The following IQCH variants were observed in gnomAD, a reference collection of about 807,000 sequenced individuals.
The protein encoded by IQCH is IQ motif containing H, also known as IQ domain-containing protein H.
In IQCH, 98 loss-of-function variants were observed where a neutral mutation model predicts 117.0. The ratio of observed to expected loss-of-function variants is 0.84; its 90% confidence interval spans 0.71 to 0.99. The LOEUF (loss-of-function observed/expected upper bound fraction) is 0.99. Ranked by LOEUF, IQCH falls within the 50% of genes least tolerant of loss-of-function variation. The pLI is 0.00. For missense variants in IQCH, 1,102 were observed against 1,243.8 expected (o/e 0.89, Z 1.72); for synonymous variants, 412 against 448.2 (o/e 0.92, Z 1.02).
At position 67,445,353 on chromosome 15, in the gene IQCH, A is replaced by C. The variant is rs530892180; in HGVS notation, c.2506-19774A>C. Among the ~76,000 whole-genome samples, 15 of 152,308 alleles carry C rather than the reference A, an allele frequency of 9.8e-5. No individual in the cohort carries two copies. Among genetic ancestry groups the C allele is most frequent in the African/African-American group, 3.6e-4 (15 of 41,558 alleles). Reference sequence around the variant, plus strand: ...TGTTCTGAGCCCTTATAAATAAATAAATGAAATTGCTTCTTTTCTTAAAGA... The same window carrying C: ...TGTTCTGAGCCCTTATAAATAAATACATGAAATTGCTTCTTTTCTTAAAGA... On this transcript the variant is annotated intron_variant, in intron 16 of 20. Transcript: ENST00000335894. This position sits in a 1 kb window ranked among gnomAD's most constrained non-coding sequence, Gnocchi z 4.3.
At position 67,436,781 on chromosome 15, in the gene IQCH, TC is replaced by T. The variant is rs1228463143; in HGVS notation, c.2505+15209del. On this transcript the variant is annotated intron_variant, in intron 16 of 20. Coordinates refer to ENST00000335894, the MANE Select transcript of IQCH (RefSeq NM_001031715.3). The surrounding 1 kb of genome is among the most constrained non-coding windows in gnomAD (Gnocchi z 5.1). ...GGGTGAGGCCTGTGACTGCTGGCTT[TC>T]CCCCACTTCCCTGACAACCTGCATG... 5.3e-5 allele frequency among the ~76,000 whole-genome samples: 8 copies of T among 152,052 alleles called. No individual in the cohort carries two copies. Among genetic ancestry groups the T allele is most frequent in the Non-Finnish European group, 2.9e-5 (2 of 67,968 alleles).
chr15:67,330,518 A>T (rs1968617623), intron 4 of IQCH, among the ~76,000 whole-genome samples: 1 of 152,198 alleles, frequency 6.6e-6, no homozygotes, highest in South Asian at 2.1e-4. Flanking sequence ...CCTGACCAAG[A>T]GGAAGTGAGA....
rs367677995 is a variant in IQCH, at chr15:67,438,298, T to C, written c.2505+16721T>C. On this transcript the variant is annotated intron_variant, in intron 16 of 20. Coordinates refer to ENST00000335894, the MANE Select transcript of IQCH (RefSeq NM_001031715.3). ...CCAAGAATTTTGTATCCAGTGAAAC[T>C]AAGCATCATATATGAAGGAAAGATA... Among the ~76,000 whole-genome samples the C allele has an allele frequency of 4.1e-3, 626 of 152,228 alleles. 3 individuals carry two copies. Among genetic ancestry groups the C allele is most frequent in the African/African-American group, 0.013 (520 of 41,544 alleles).
Position 67,500,162 on chromosome 15 carries a change from AT to A in IQCH, c.2971-464del, listed in dbSNP as rs574198251. On this transcript the variant is annotated intron_variant, in intron 20 of 20. Coordinates refer to ENST00000335894, the MANE Select transcript of IQCH (RefSeq NM_001031715.3). This position sits in a 1 kb window ranked among gnomAD's most constrained non-coding sequence, Gnocchi z 4.4. Reference sequence around the variant, plus strand: ...TAAACAAAGTAAATGGGAATGTGTCATTTTTTTCTTCCCAGCAACCAATGGA... The same window carrying A: ...TAAACAAAGTAAATGGGAATGTGTCATTTTTTCTTCCCAGCAACCAATGGA... 6.6e-6 allele frequency among the ~76,000 whole-genome samples: 1 copy of A among 152,088 alleles called. No homozygotes were observed. The highest frequency in any genetic ancestry group is 2.4e-5 in the African/African-American group (1 of 41,418).
rs964302414 is a variant in IQCH at position 67,465,568 on chromosome 15, T to C, written c.2676+271T>C. ...TTCTAGGCAGGTACACCTACACCCA[T>C]TGCCTCAACTACAAGCTGTTTCACA... is the stretch of plus-strand genomic sequence containing the variant. On this transcript the variant is annotated intron_variant, in intron 17 of 20. Transcript: ENST00000335894. This position sits in a 1 kb window ranked among gnomAD's most constrained non-coding sequence, Gnocchi z 5.9. 5.3e-5 allele frequency among the ~76,000 whole-genome samples: 8 copies of C among 152,084 alleles called. No homozygotes were observed. Among genetic ancestry groups the C allele is most frequent in the African/African-American group, 1.9e-4 (8 of 41,408 alleles).
At chr15:67,344,691 T>G (rs1337699048) in intron 6 of IQCH, among the ~76,000 whole-genome samples, 4 of 152,230 alleles carry the variant, frequency 2.6e-5, no homozygotes. Flanking sequence ...GCAATTACAA[T>G]TTTATGGTAA....
In IQCH at chr15:67,481,611, C is replaced by T. The variant is rs1339484929; in HGVS notation, c.2799+5793C>T. Among the ~76,000 whole-genome samples, 1 of 152,002 alleles carries T rather than the reference C, an allele frequency of 6.6e-6. No individual in the cohort carries two copies. The highest frequency in any genetic ancestry group is 2.4e-5 in the African/African-American group (1 of 41,370). On this transcript the variant is annotated intron_variant, in intron 18 of 20. Coordinates refer to ENST00000335894, the MANE Select transcript of IQCH (RefSeq NM_001031715.3). This position sits in a 1 kb window ranked among gnomAD's most constrained non-coding sequence, Gnocchi z 4.1. Reference sequence around the variant, plus strand: ...CTCTCTCAGGAAAAAGAGAACAGAACAAAAGGGTAAAAAGAAAAAGGGTAT... The same window carrying T: ...CTCTCTCAGGAAAAAGAGAACAGAATAAAAGGGTAAAAAGAAAAAGGGTAT...
At chr15:67,271,931 CTT>C (rs1965913824) in intron 3 of IQCH, among the ~76,000 whole-genome samples, 1 of 151,746 alleles carries the variant, frequency 6.6e-6, no homozygotes, top group Non-Finnish European at 1.5e-5. Flanking sequence ...CTGCTCTAGT[CTT>C]TATTATTTTT....
intron 4 of IQCH, among the ~76,000 whole-genome samples, chr15:67,294,966 A>G (rs1295366797): frequency 6.6e-6 from 1 of 152,192 alleles, no homozygotes; most frequent in Non-Finnish European, 1.5e-5. Flanking sequence ...ACATCTCACA[A>G]TGGTGCTTAG....
intron 4 of IQCH, among the ~76,000 whole-genome samples, chr15:67,302,049 C>A (rs559958151): frequency 2.6e-5 from 4 of 151,978 alleles, no homozygotes; most frequent in Admixed American, 6.6e-5. Context: ...CTGTATTTGG[C>A]CATTTCCTCC....
intron 3 of IQCH, among the ~76,000 whole-genome samples, chr15:67,272,545 T>G (rs1002441781): frequency 2.6e-5 from 4 of 152,216 alleles, no homozygotes; most frequent in African/African-American, 9.6e-5. Flanking sequence ...ACTATTATTG[T>G]GTTGCAATCT....
chr15:67,339,253 T>C (rs963907687), intron 5 of IQCH, among the ~76,000 whole-genome samples: 2 of 152,134 alleles, frequency 1.3e-5, no homozygotes, highest in Non-Finnish European at 2.9e-5. Context: ...TTATTAAACA[T>C]GGATGAGGAT....
At position 67,445,061 on chromosome 15, in the gene IQCH, C is replaced by G. The variant is rs1267203461; in HGVS notation, c.2506-20066C>G. Among the ~76,000 whole-genome samples the G allele has an allele frequency of 6.6e-6, 1 of 152,178 alleles. No homozygotes were observed. The highest frequency in any genetic ancestry group is 1.5e-5 in the Non-Finnish European group (1 of 67,998). ...TTAGAAATAATGAATTTGAATTATA[C>G]TTGGAAAGTGGTGGCTTTGGTATGA... On this transcript the variant is annotated intron_variant, in intron 16 of 20. Coordinates refer to ENST00000335894, the MANE Select transcript of IQCH (RefSeq NM_001031715.3). This position sits in a 1 kb window ranked among gnomAD's most constrained non-coding sequence, Gnocchi z 4.3.
chr15:67,430,965 A>T lies in IQCH; in HGVS notation c.2505+9388A>T, dbSNP rs1036712585. ...CCAAATGATTTTTCTACATGCATTC[A>T]GACAAGAGAAAGATCCCTTCTGTTG... On this transcript the variant is annotated intron_variant, in intron 16 of 20. Transcript: ENST00000335894. This position sits in a 1 kb window ranked among gnomAD's most constrained non-coding sequence, Gnocchi z 5.1. 6.6e-6 allele frequency among the ~76,000 whole-genome samples: 1 copy of T among 152,252 alleles called. No individual in the cohort carries two copies. The highest frequency in any genetic ancestry group is 1.9e-4 in the East Asian group (1 of 5,204).
chr15:67,266,946 C>T (rs755742773), intron 3 of IQCH, among the ~76,000 whole-genome samples: 3 of 152,188 alleles, frequency 2.0e-5, no homozygotes, highest in African/African-American at 4.8e-5. Context: ...CCTTAAGACA[C>T]GTACGTTTTT....
Position 67,384,878 on chromosome 15 carries a change from G to A in IQCH, c.1373-58G>A. The A allele has an allele frequency of 2.8e-6, 3 of 1,068,300 alleles. No individual in the cohort carries two copies. The highest frequency in any genetic ancestry group is 2.4e-5 in the East Asian group (1 of 41,624). The allele number at this position is 1,068,300 out of a possible 1,614,324, so 66.2% of individuals were successfully genotyped here. ...CTGTGACATTTTGAAATTCTCTTGTGCCATTTTGCTATATCGACTTGCTCT... is the reference window on the plus strand; with the variant it reads ...CTGTGACATTTTGAAATTCTCTTGTACCATTTTGCTATATCGACTTGCTCT... On this transcript the variant is annotated intron_variant, in intron 10 of 20. Transcript: ENST00000335894. This position sits in a 1 kb window ranked among gnomAD's most constrained non-coding sequence, Gnocchi z 4.3.
rs762782744 is a variant in IQCH at position 67,365,994 on chromosome 15, T to C, written c.753+6109T>C. On this transcript the variant is annotated intron_variant, in intron 8 of 20. Transcript: ENST00000335894. This position sits in a 1 kb window ranked among gnomAD's most constrained non-coding sequence, Gnocchi z 4.4. Reference sequence around the variant, plus strand: ...TGACAAGGTGGAGCTCTGTAGGAATTTTGCAAGTGTTCTTTAGTGATTTGG... The same window carrying C: ...TGACAAGGTGGAGCTCTGTAGGAATCTTGCAAGTGTTCTTTAGTGATTTGG... Among the ~76,000 whole-genome samples the C allele has an allele frequency of 4.6e-5, 7 of 152,144 alleles. No individual in the cohort carries two copies. The highest frequency in any genetic ancestry group is 8.8e-5 in the Non-Finnish European group (6 of 68,020).
chr15:67,269,220 T>G (rs553031195), intron 3 of IQCH, among the ~76,000 whole-genome samples: 3 of 152,328 alleles, frequency 2.0e-5, no homozygotes, highest in African/African-American at 7.2e-5. Flanking sequence ...TTACTATTTT[T>G]TCTTTAAAAA....
chr15:67,355,433 A>C (rs1483156498), intron 6 of IQCH, among the ~76,000 whole-genome samples: 4 of 151,622 alleles, frequency 2.6e-5, no homozygotes, highest in Non-Finnish European at 4.4e-5. Flanking sequence ...AAAAAATACA[A>C]AAAAAAATTA....
Sources: gnomAD v4.1 joint callset for allele counts (sites outside exome capture counted in the v4.1 genomes callset) on GRCh38, gnomAD v4.1.1 for gene constraint, Gnocchi (gnomAD v3.1) non-coding constraint, MANE v1.5 for transcripts, NCBI Gene and HGNC (gene_info 2026-07-23, HGNC 2026-07-21) for gene names.